CEP250: variants seen among roughly 807,000 people sequenced by gnomAD.
The protein encoded by CEP250 is centrosome-associated protein CEP250.
In CEP250, 242 loss-of-function variants were observed where a neutral mutation model predicts 315.7. The observed-to-expected ratio is 0.77, with a 90% CI of 0.69 to 0.85. The LOEUF (loss-of-function observed/expected upper bound fraction) is 0.85. Among genes scored for constraint, CEP250 ranks in the 40% least tolerant of loss-of-function variants. CEP250 has a pLI of 0.00. For synonymous variants in CEP250, 1,088 were observed against 1,175.0 expected, an observed-to-expected ratio of 0.93 and a Z score of 1.51; for missense variants, 2,515 against 2,886.4, an observed-to-expected ratio of 0.87 and a Z score of 2.95.
At chr20:35,496,485 A>T in intron 24 of CEP250, 92 bp from the exon 25 acceptor site, 1 of 1,071,848 alleles carries the variant, frequency 9.3e-7, no homozygotes, top group Non-Finnish European at 1.3e-6. Flanking sequence ...TTCTATTTTG[A>T]TTATTAATGC....
intron 30 of CEP250, among the ~76,000 whole-genome samples, chr20:35,506,811 A>C (rs2064197679): frequency 6.6e-6 from 1 of 152,190 alleles, no homozygotes; most frequent in South Asian, 2.1e-4. Context: ...ATGACATGGC[A>C]TGATATGTAT....
chr20:35,500,086 GTCTAACT>G lies in CEP250; in HGVS notation c.3816_3822del (p.Leu1273IlefsTer37). On this transcript the variant is annotated frameshift_variant, in exon 28 of 35. Coordinates refer to ENST00000397527, the MANE Select transcript of CEP250 (RefSeq NM_007186.6). LOFTEE classifies it high-confidence loss of function. ...GATCAGGTCCAGAAACTGGAAGAGC[GTCTAACT>G]GATACTGAGGCTGAGAAGAGCCAGG... 1 of 1,614,054 alleles carries G rather than the reference GTCTAACT, an allele frequency of 6.2e-7. No individual in the cohort carries two copies. Among genetic ancestry groups the G allele is most frequent in the East Asian group, 2.2e-5 (1 of 44,880 alleles).
rs1325345010 is a variant in CEP250, at chr20:35,472,831, G to A, written c.1209G>A (p.Gln403=). 2 of 1,613,900 alleles carry A rather than the reference G, an allele frequency of 1.2e-6. No individual in the cohort carries two copies. Among genetic ancestry groups the A allele is most frequent in the East Asian group, 4.5e-5 (2 of 44,890 alleles). Residue 403 remains glutamine, a splice_region_variant and synonymous_variant, in exon 12 of 35, where the codon CAG becomes CAA. Transcript: ENST00000397527. ...TGACTCGGAGACGCCAGGCTGTGCA[G>A]GTAGGAACCCTCAGCATTCCACCTC... is the stretch of plus-strand genomic sequence containing the variant. ...SVLTRRRQAV[Q]DLRQQLAGCQ... is the part of the protein sequence containing the mutation.
intron 12 of CEP250, 80 bp downstream of exon 12, chr20:35,472,911 G>A: frequency 7.1e-7 from 1 of 1,399,978 alleles, no homozygotes; most frequent in East Asian, 2.3e-5. Context: ...TCCCTAGCCT[G>A]GACTATCCCT....
intron 10 of CEP250, among the ~76,000 whole-genome samples, chr20:35,471,705 T>C (rs1237987688): frequency 6.6e-6 from 1 of 152,222 alleles, no homozygotes; most frequent in Non-Finnish European, 1.5e-5. Flanking sequence ...GACACTATAT[T>C]GAATAATTTA....
At chr20:35,488,630 A>C (rs1036681638) in intron 20 of CEP250, among the ~76,000 whole-genome samples, 1 of 151,762 alleles carries the variant, frequency 6.6e-6, no homozygotes, top group Non-Finnish European at 1.5e-5. Context: ...CACCTGACTA[A>C]TTTTTGCATT....
chr20:35,510,323 A>G (rs1435320244), intron 34 of CEP250, among the ~76,000 whole-genome samples: 1 of 152,192 alleles, frequency 6.6e-6, no homozygotes, highest in Non-Finnish European at 1.5e-5. Flanking sequence ...TTCTAGGAGG[A>G]CAGGTGGGAG....
chr20:35,461,351 G>A (rs2062750653), intron 3 of CEP250, among the ~76,000 whole-genome samples: 1 of 152,088 alleles, frequency 6.6e-6, no homozygotes, highest in Non-Finnish European at 1.5e-5. Flanking sequence ...CACATCTGAG[G>A]TCACAGAGCC....
At chr20:35,471,990 G>A (rs1324039319) in intron 10 of CEP250, 60 bp from the exon 11 acceptor site, 1 of 1,049,330 alleles carries the variant, frequency 9.5e-7, no homozygotes, top group African/African-American at 1.6e-5. Flanking sequence ...TTGGGGTCCT[G>A]GAATAATAAA....
intron 9 of CEP250, among the ~76,000 whole-genome samples, chr20:35,468,088 ACAGG>A (rs2062935712): frequency 6.6e-6 from 1 of 151,350 alleles, no homozygotes; most frequent in South Asian, 2.1e-4. Flanking sequence ...GGGACTGTTT[ACAGG>A]CACATGCCAC....
At chr20:35,510,137 C>A in intron 34 of CEP250, 83 bp downstream of exon 34, 1 of 1,329,650 alleles carries the variant, frequency 7.5e-7, no homozygotes, top group Non-Finnish European at 1.1e-6. Flanking sequence ...AGGGGAAGTT[C>A]CTCCCTTCAG....
At chr20:35,505,238 G>A (rs2147183430) in intron 30 of CEP250, among the ~76,000 whole-genome samples, 1 of 152,330 alleles carries the variant, frequency 6.6e-6, no homozygotes, top group Middle Eastern at 3.4e-3. Context: ...GGTAAACAAC[G>A]ATAATGCAGT....
Position 35,502,448 on chromosome 20 carries a change from T to G in CEP250, c.4079T>G (p.Leu1360Arg), listed in dbSNP as rs1483492978. 6.2e-7 allele frequency: 1 copy of G among 1,613,974 alleles called. No homozygotes were observed. Among genetic ancestry groups the G allele is most frequent in the African/African-American group, 1.3e-5 (1 of 74,936 alleles). ...AACCTGACAGCCCAGGTGGAACACCTGCAAGCAGCTGTCGTAGAAGCCAGG... is the reference window on the plus strand; with the variant it reads ...AACCTGACAGCCCAGGTGGAACACCGGCAAGCAGCTGTCGTAGAAGCCAGG... The part of the protein sequence containing the change: ...KENLTAQVEH[L>R]QAAVVEARAQ... Residue 1360 changes from leucine to arginine, a missense_variant, in exon 30 of 35, where the codon CTG (leucine) becomes CGG (arginine). Physicochemically the swap from Leu to Arg is moderately radical, Grantham distance 102. Transcript: ENST00000397527.
Position 35,512,088 on chromosome 20 carries a change from C to A in CEP250, c.*462C>A. On this transcript the variant is annotated 3_prime_UTR_variant, in exon 35 of 35. Coordinates refer to ENST00000397527, the MANE Select transcript of CEP250 (RefSeq NM_007186.6). ...TGAGGTAGCATGCATTTATTGTACA[C>A]CATGCACTGTGATAGGGAAGGGTTA... The A allele has an allele frequency of 1.0e-6, 1 of 974,452 alleles. No individual in the cohort carries two copies. The highest frequency in any genetic ancestry group is 1.2e-6 in the Non-Finnish European group (1 of 814,226). The allele number at this position is 974,452 out of a possible 1,614,324, so 60.4% of individuals were successfully genotyped here.
At chr20:35,491,498 G>T (rs1336190859) in intron 22 of CEP250, 152 bp downstream of exon 22, 1 of 895,064 alleles carries the variant, frequency 1.1e-6, no homozygotes, top group Non-Finnish European at 1.7e-6. Flanking sequence ...GCTGGGCAGG[G>T]TAGATCACGC....
intron 10 of CEP250, 134 bp from the exon 11 acceptor site, chr20:35,471,915 AG>A (rs2063032437): frequency 1.6e-6 from 1 of 643,022 alleles, no homozygotes; most frequent in African/African-American, 1.8e-5. Context: ...AGACAACATT[AG>A]CATTGACATA....
rs778598883 is a variant in CEP250 at position 35,458,966 on chromosome 20, C to CTTTTT, written c.-227+616_-227+620dup. ...ATGGTATATTTGCTATAATGCAAAT[C>CTTTTT]TTTTTTTTTTTTTTTTTTTTTTTTT... On this transcript the variant is annotated intron_variant, in intron 2 of 34. Coordinates refer to ENST00000397527, the MANE Select transcript of CEP250 (RefSeq NM_007186.6). Among the ~76,000 whole-genome samples, 84 of 59,230 alleles carry CTTTTT rather than the reference C, an allele frequency of 1.4e-3. 16 individuals are homozygous for CTTTTT. Among genetic ancestry groups the CTTTTT allele is most frequent in the African/African-American group, 3.8e-3 (51 of 13,288 alleles). The allele number at this position is 59,230 out of a possible 152,430, so 38.9% of individuals were successfully genotyped here.
At position 35,472,607 on chromosome 20, in the gene CEP250, T is replaced by C. The variant is rs2063052976; in HGVS notation, c.1051-66T>C. On this transcript the variant is annotated intron_variant, in intron 11 of 34. Coordinates refer to ENST00000397527, the MANE Select transcript of CEP250 (RefSeq NM_007186.6). ...CATCAGGTTTGTCCAGGCTATAGGG[T>C]TAAGTCCCTCTATAGACTCTAGGCT... 3.9e-6 allele frequency: 6 copies of C among 1,526,860 alleles called. No homozygotes were observed. In the Admixed American group the frequency reaches 1.0e-4, roughly 26 times the overall value. 94.6% of individuals were successfully genotyped at this position (1,526,860 alleles called of 1,614,324 possible). A position where few individuals can be genotyped will look rare whatever the true frequency, so the allele number is the denominator to read the frequency against.
chr20:35,466,028 C>T lies in CEP250; in HGVS notation c.327-11C>T, dbSNP rs1568758794. 2 of 1,614,102 alleles carry T rather than the reference C, an allele frequency of 1.2e-6. No homozygotes were observed. The highest frequency in any genetic ancestry group is 1.3e-5 in the African/African-American group (1 of 75,052). On this transcript the variant is annotated splice_polypyrimidine_tract_variant and intron_variant, in intron 6 of 34. Transcript: ENST00000397527. The stretch of plus-strand genomic sequence containing the variant: ...TTATTTTGCACCCACTTTTACCCCT[C>T]CCCAGTGCAGGTGTGAGAGTCTAGC...
Sources: allele counts gnomAD v4.1 joint callset (sites outside exome capture counted in the v4.1 genomes callset), GRCh38; gene constraint gnomAD v4.1.1; transcripts MANE v1.5; gene names NCBI Gene and HGNC (gene_info 2026-07-23, HGNC 2026-07-21).